GTF2F2: variants seen among roughly 807,000 people sequenced by gnomAD.
GTF2F2 encodes ATP-dependent helicase GTF2F2.
In GTF2F2, 23 loss-of-function variants were observed where a neutral mutation model predicts 42.2. The observed-to-expected ratio is 0.55, with a 90% CI of 0.39 to 0.77. The LOEUF (loss-of-function observed/expected upper bound fraction) is 0.77. Among genes scored for constraint, GTF2F2 ranks in the 30% least tolerant of loss-of-function variants. The pLI, the probability that GTF2F2 is intolerant of heterozygous loss-of-function variation, is 0.00. For missense variants in GTF2F2, 261 were observed against 287.2 expected (o/e 0.91, Z 0.66); for synonymous variants, 105 against 100.8 (o/e 1.04, Z -0.25).
chr13:45,189,124 C>T (rs184177805), intron 4 of GTF2F2, among the ~76,000 whole-genome samples: 10 of 152,184 alleles, frequency 6.6e-5, no homozygotes, highest in Non-Finnish European at 4.4e-5. Flanking sequence ...CATTGTTCAA[C>T]TCCCACTTAC....
intron 4 of GTF2F2, among the ~76,000 whole-genome samples, chr13:45,192,287 A>AT (rs930289307): frequency 1.6e-4 from 24 of 152,190 alleles, no homozygotes; most frequent in African/African-American, 5.5e-4. Flanking sequence ...TTTTGAAGGA[A>AT]TTTTTTTGTA....
chr13:45,190,084 A>G (rs1257831977), intron 4 of GTF2F2, among the ~76,000 whole-genome samples: 2 of 152,086 alleles, frequency 1.3e-5, no homozygotes, highest in African/African-American at 4.8e-5. Flanking sequence ...AATGGGAGAA[A>G]ATTTTTGCAA....
intron 5 of GTF2F2, among the ~76,000 whole-genome samples, chr13:45,229,019 T>C (rs1874529658): frequency 6.6e-6 from 1 of 152,042 alleles, no homozygotes; most frequent in Admixed American, 6.6e-5. Context: ...GTAGCTGAGA[T>C]TACAGGTGCC....
intron 4 of GTF2F2, among the ~76,000 whole-genome samples, chr13:45,168,557 C>T (rs1871413862): frequency 6.6e-6 from 1 of 152,114 alleles, no homozygotes; most frequent in Non-Finnish European, 1.5e-5. Context: ...AGGCTCATTT[C>T]TTCTTCCTCA....
intron 4 of GTF2F2, among the ~76,000 whole-genome samples, chr13:45,173,178 T>C (rs1393973914): frequency 6.6e-6 from 1 of 152,202 alleles, no homozygotes; most frequent in African/African-American, 2.4e-5. Context: ...TTAAGTTTTT[T>C]ATTTTGAGGT....
At chr13:45,241,237 A>G (rs1039105151) in intron 5 of GTF2F2, among the ~76,000 whole-genome samples, 9 of 151,588 alleles carry the variant, frequency 5.9e-5, no homozygotes, top group African/African-American at 2.2e-4. Flanking sequence ...AAGATCTGAT[A>G]ATAAACACTG....
At chr13:45,164,870 C>T (rs945580487) in intron 4 of GTF2F2, among the ~76,000 whole-genome samples, 3 of 152,222 alleles carry the variant, frequency 2.0e-5, no homozygotes, top group African/African-American at 7.2e-5. Context: ...GAGACCTACA[C>T]TTGAACTGTG....
At position 45,264,364 on chromosome 13, in the gene GTF2F2, C is replaced by T. The variant is rs150863251; in HGVS notation, c.487-2869C>T. Among the ~76,000 whole-genome samples, 938 of 151,890 alleles carry T rather than the reference C, an allele frequency of 6.2e-3. 11 individuals are homozygous for T. Among genetic ancestry groups the T allele is most frequent in the African/African-American group, 0.022 (897 of 41,434 alleles). On this transcript the variant is annotated intron_variant, in intron 6 of 7. Coordinates refer to ENST00000340473, the MANE Select transcript of GTF2F2 (RefSeq NM_004128.3). Reference sequence around the variant, plus strand: ...TGGCACGATCTTGGCTCACTGCAACCTCTGTCTCCTGGCTTCAAGCGATTC... The same window carrying T: ...TGGCACGATCTTGGCTCACTGCAACTTCTGTCTCCTGGCTTCAAGCGATTC...
In GTF2F2 at chr13:45,237,533, T is replaced by C. The variant is rs370454061; in HGVS notation, c.387-15338T>C. 9.8e-5 allele frequency among the ~76,000 whole-genome samples: 15 copies of C among 152,336 alleles called. No individual in the cohort carries two copies. The South Asian group carries it at 3.1e-3, about 32-fold the overall frequency. ...TGAATACATACTATGGGACAGGCCATTTACTAAGTGTTTTATAAAGGTTAT... is the reference window on the plus strand; with the variant it reads ...TGAATACATACTATGGGACAGGCCACTTACTAAGTGTTTTATAAAGGTTAT... On this transcript the variant is annotated intron_variant, in intron 5 of 7. Coordinates refer to ENST00000340473, the MANE Select transcript of GTF2F2 (RefSeq NM_004128.3).
At position 45,221,121 on chromosome 13, in the gene GTF2F2, G is replaced by A. The variant is rs766184449; in HGVS notation, c.386+13616G>A. Among the ~76,000 whole-genome samples the A allele has an allele frequency of 3.3e-5, 5 of 151,984 alleles. 1 individual carries two copies. Among genetic ancestry groups the A allele is most frequent in the Admixed American group, 1.3e-4 (2 of 15,252 alleles). On this transcript the variant is annotated intron_variant, in intron 5 of 7. Coordinates refer to ENST00000340473, the MANE Select transcript of GTF2F2 (RefSeq NM_004128.3). ...TCCTTCGTGTTTTAACTTCACATGC[G>A]TAAAATTGAATTCTTGGTTGTTAGC...
intron 5 of GTF2F2, among the ~76,000 whole-genome samples, chr13:45,217,560 G>A (rs1873947472): frequency 6.6e-6 from 1 of 152,182 alleles, no homozygotes; most frequent in Non-Finnish European, 1.5e-5. Flanking sequence ...AGCAACCAAA[G>A]ATGAGCATTT....
At chr13:45,275,091 TTC>T (rs1249030679) in intron 7 of GTF2F2, among the ~76,000 whole-genome samples, 4 of 152,154 alleles carry the variant, frequency 2.6e-5, no homozygotes, top group Non-Finnish European at 5.9e-5. Flanking sequence ...TAATGTTACT[TTC>T]TGTCTCTGTA....
chr13:45,214,565 TCTA>T (rs1873815340), intron 5 of GTF2F2, among the ~76,000 whole-genome samples: 1 of 152,206 alleles, frequency 6.6e-6, no homozygotes, highest in South Asian at 2.1e-4. Flanking sequence ...AAAAAAGTGT[TCTA>T]CTACTTCTCT....
At chr13:45,161,941 T>C (rs1871060313) in intron 4 of GTF2F2, among the ~76,000 whole-genome samples, 1 of 152,144 alleles carries the variant, frequency 6.6e-6, no homozygotes, top group Admixed American at 6.5e-5. Context: ...TAGGTATTTA[T>C]TCCACTTCTG....
chr13:45,239,589 T>C (rs1454389661), intron 5 of GTF2F2, among the ~76,000 whole-genome samples: 1 of 152,224 alleles, frequency 6.6e-6, no homozygotes, highest in African/African-American at 2.4e-5. Context: ...TTGTTGTTTC[T>C]AACAGAAATC....
chr13:45,282,281 G>A (rs867511866), intron 7 of GTF2F2, among the ~76,000 whole-genome samples: 1 of 151,948 alleles, frequency 6.6e-6, no homozygotes, highest in African/African-American at 2.4e-5. Context: ...ATATTGGTCA[G>A]CTTATTGTGG....
chr13:45,251,279 A>C (rs1429954479), intron 5 of GTF2F2, among the ~76,000 whole-genome samples: 1 of 152,198 alleles, frequency 6.6e-6, no homozygotes, highest in Non-Finnish European at 1.5e-5. Flanking sequence ...TTTATACTTA[A>C]TTCTGCTTTT....
intron 2 of GTF2F2, among the ~76,000 whole-genome samples, chr13:45,144,664 A>G (rs1870106180): frequency 6.6e-6 from 1 of 151,606 alleles, no homozygotes. Context: ...GTTGGTCTCG[A>G]TCTCCTGACC....
chr13:45,205,544 G>A (rs377708259), intron 4 of GTF2F2, among the ~76,000 whole-genome samples: 2 of 152,232 alleles, frequency 1.3e-5, no homozygotes, highest in East Asian at 1.9e-4. Flanking sequence ...TTTTTGAGAC[G>A]GAGTCTTGCT....
Sources: gnomAD v4.1 joint callset for allele counts (sites outside exome capture counted in the v4.1 genomes callset) on GRCh38, gnomAD v4.1.1 for gene constraint, MANE v1.5 for transcripts, NCBI Gene and HGNC (gene_info 2026-07-23, HGNC 2026-07-21) for gene names.